Variants in AGBL4 observed in about 807,000 individuals in gnomAD.
The protein encoded by AGBL4 is AGBL carboxypeptidase 4.
Under a neutral mutation model 66.4 loss-of-function variants are expected in AGBL4, and 58 were observed. That is an observed-to-expected ratio of 0.87 (90% CI 0.71 to 1.09). The LOEUF (loss-of-function observed/expected upper bound fraction) is 1.09. AGBL4 is among the 50% of genes least tolerant of loss of function. The pLI is 0.00. For synonymous variants in AGBL4, 234 were observed against 222.9 expected (o/e 1.05, Z -0.44); for missense variants, 579 against 631.0 (o/e 0.92, Z 0.88).
At chr1:48,645,626 C>G (rs949379487) in intron 8 of AGBL4, among the ~76,000 whole-genome samples, 2 of 152,076 alleles carry the variant, frequency 1.3e-5, no homozygotes, top group Non-Finnish European at 2.9e-5. Context: ...AGGGGGGTAC[C>G]TAATCTACCT....
intron 2 of AGBL4, 49 bp from the exon 3 acceptor site, chr1:49,697,486 C>A: frequency 1.4e-6 from 2 of 1,380,364 alleles, no homozygotes; most frequent in South Asian, 2.8e-5. Flanking sequence ...GTTCATGCAG[C>A]TCAATGGTAC....
chr1:49,855,826 T>C (rs1557516934), intron 1 of AGBL4, among the ~76,000 whole-genome samples: 2 of 152,044 alleles, frequency 1.3e-5, no homozygotes. Flanking sequence ...AATGTAATGC[T>C]GCACATCAAG....
At chr1:49,671,297 C>A (rs1646470529) in intron 3 of AGBL4, among the ~76,000 whole-genome samples, 1 of 152,126 alleles carries the variant, frequency 6.6e-6, no homozygotes, top group Non-Finnish European at 1.5e-5. Context: ...AAGATTGAAG[C>A]TAGACCCCTT....
intron 2 of AGBL4, chr1:49,846,354 C>T (rs1168909379): frequency 2.7e-5 from 41 of 1,540,048 alleles, no homozygotes; most frequent in Non-Finnish European, 3.5e-5. Flanking sequence ...AAGACCTTTA[C>T]ACACAGCACC....
Position 49,366,489 on chromosome 1 carries a change from TCTTAGG to T in AGBL4, c.283-120631_283-120626del, listed in dbSNP as rs1259739669. 2.6e-5 allele frequency among the ~76,000 whole-genome samples: 4 copies of T among 152,266 alleles called. No homozygotes were observed. In the South Asian group the frequency reaches 6.2e-4, roughly 24 times the overall value. Reference sequence around the variant, plus strand: ...AGTCTAAACAGCACAATTACAAAAATCTTAGGGGTGTAGGAGTTATAACCATCATAA... The same window carrying T: ...AGTCTAAACAGCACAATTACAAAAATGGTGTAGGAGTTATAACCATCATAA... On this transcript the variant is annotated intron_variant, in intron 3 of 13. Coordinates refer to ENST00000371839, the MANE Select transcript of AGBL4 (RefSeq NM_032785.4).
At chr1:49,772,043 C>G (rs965957865) in intron 2 of AGBL4, among the ~76,000 whole-genome samples, 7 of 151,966 alleles carry the variant, frequency 4.6e-5, no homozygotes, top group Admixed American at 4.6e-4. Context: ...TTTTGTAGAT[C>G]CCTTCTTCCT....
chr1:48,687,502 T>A (rs2148487850), intron 6 of AGBL4, among the ~76,000 whole-genome samples: 1 of 152,158 alleles, frequency 6.6e-6, no homozygotes, highest in East Asian at 1.9e-4. Flanking sequence ...CTCAGAGAAA[T>A]CGTGGAGGCA....
intron 1 of AGBL4, among the ~76,000 whole-genome samples, chr1:49,992,153 C>T (rs1042894211): frequency 2.6e-5 from 4 of 152,010 alleles, no homozygotes; most frequent in East Asian, 1.9e-4. Context: ...GGGCAGATCA[C>T]GAGGTCAGGA....
At chr1:49,313,451 C>T (rs1644978963) in intron 3 of AGBL4, among the ~76,000 whole-genome samples, 1 of 152,132 alleles carries the variant, frequency 6.6e-6, no homozygotes, top group African/African-American at 2.4e-5. Flanking sequence ...AATCACCATG[C>T]TGTCTTTCAC....
chr1:48,947,512 T>C (rs370809535), intron 5 of AGBL4, among the ~76,000 whole-genome samples: 8 of 152,340 alleles, frequency 5.3e-5, no homozygotes, highest in Non-Finnish European at 1.2e-4. Flanking sequence ...CTACAATGCC[T>C]CTGAGGCTAG....
At chr1:49,107,203 A>G (rs1026523101) in intron 4 of AGBL4, among the ~76,000 whole-genome samples, 8 of 152,148 alleles carry the variant, frequency 5.3e-5, no homozygotes, top group African/African-American at 1.9e-4. Context: ...GCCATTCTAT[A>G]TTTTTACTTT....
intron 2 of AGBL4, among the ~76,000 whole-genome samples, chr1:49,710,114 A>C (rs967374502): frequency 6.6e-6 from 1 of 152,118 alleles, no homozygotes; most frequent in Non-Finnish European, 1.5e-5. Flanking sequence ...GATTATAAAT[A>C]ATTCTACTAT....
chr1:48,966,067 A>T (rs984901060), intron 5 of AGBL4, among the ~76,000 whole-genome samples: 1 of 152,116 alleles, frequency 6.6e-6, no homozygotes, highest in African/African-American at 2.4e-5. Context: ...TCTTCCCTGT[A>T]AAATGAGCAT....
chr1:49,194,695 T>A (rs2148215457), intron 4 of AGBL4, among the ~76,000 whole-genome samples: 1 of 152,296 alleles, frequency 6.6e-6, no homozygotes, highest in Admixed American at 6.5e-5. Flanking sequence ...AGAGATCAAG[T>A]AAGAGACAGA....
chr1:49,957,373 G>A lies in AGBL4; in HGVS notation c.34+66390C>T, dbSNP rs190893346. On this transcript the variant is annotated intron_variant, in intron 1 of 13. Transcript: ENST00000371839. ...GGAGAGTTCTGTAGATGTCTATTAG[G>A]TCTGCTTGGTGCAGAGCTGAGTTCA... Among the ~76,000 whole-genome samples, 200 of 152,072 alleles carry A rather than the reference G, an allele frequency of 1.3e-3. 1 individual carries two copies. The highest frequency in any genetic ancestry group is 4.1e-3 in the African/African-American group (172 of 41,516).
chr1:49,369,091 G>A (rs1378018619), intron 3 of AGBL4, among the ~76,000 whole-genome samples: 1 of 151,862 alleles, frequency 6.6e-6, no homozygotes, highest in Non-Finnish European at 1.5e-5. Flanking sequence ...CTCAGAAAAA[G>A]AGAAAAAAGA....
At chr1:49,188,220 A>G (rs557192979) in intron 4 of AGBL4, among the ~76,000 whole-genome samples, 1 of 152,202 alleles carries the variant, frequency 6.6e-6, no homozygotes, top group East Asian at 1.9e-4. Flanking sequence ...ATTTCTGCAG[A>G]TGCTGCTCAG....
intron 11 of AGBL4, among the ~76,000 whole-genome samples, chr1:48,580,654 T>C (rs1216847324): frequency 6.6e-6 from 1 of 152,222 alleles, no homozygotes; most frequent in Non-Finnish European, 1.5e-5. Context: ...CCAGAGCTTT[T>C]ATGTCTCTAG....
intron 11 of AGBL4, among the ~76,000 whole-genome samples, chr1:48,545,349 T>C (rs921819658): frequency 1.3e-5 from 2 of 152,180 alleles, no homozygotes; most frequent in Admixed American, 6.5e-5. Context: ...CCCTATTACA[T>C]ATTCCCTAAC....
Sources: gnomAD v4.1 joint callset for allele counts (sites outside exome capture counted in the v4.1 genomes callset) on GRCh38, gnomAD v4.1.1 for gene constraint, MANE v1.5 for transcripts, NCBI Gene and HGNC (gene_info 2026-07-23, HGNC 2026-07-21) for gene names.